The following CCDC117 variants were observed in gnomAD, a reference collection of about 807,000 sequenced individuals.
CCDC117 encodes coiled-coil domain-containing protein 117.
In CCDC117, 1 loss-of-function variant was observed where a neutral mutation model predicts 23.5. That is an observed-to-expected ratio of 0.04 (90% CI 0.02 to 0.20). The LOEUF is 0.20. Ranked by LOEUF, CCDC117 falls within the 10% of genes least tolerant of loss-of-function variation. The pLI is 1.00. For synonymous variants in CCDC117, 132 were observed against 124.8 expected, an observed-to-expected ratio of 1.06 and a Z score of -0.39; for missense variants, 383 against 348.2, an observed-to-expected ratio of 1.10 and a Z score of -0.80.
intron 2 of CCDC117, among the ~76,000 whole-genome samples, chr22:28,774,233 AT>A (rs1187123889): frequency 0.023 from 3,215 of 140,572 alleles, 62 homozygotes; most frequent in African/African-American, 0.055. Flanking sequence ...ACGCCTGGCA[AT>A]TTTTTTTTTT....
intron 2 of CCDC117, among the ~76,000 whole-genome samples, chr22:28,776,421 A>G (rs2031162112): frequency 6.6e-6 from 1 of 151,264 alleles, no homozygotes; most frequent in East Asian, 2.0e-4. Flanking sequence ...AGTATTGTAT[A>G]TCTTTTCTTT....
chr22:28,778,618 A>C (rs1348858395), intron 2 of CCDC117, among the ~76,000 whole-genome samples: 1 of 152,190 alleles, frequency 6.6e-6, no homozygotes, highest in Non-Finnish European at 1.5e-5. Context: ...TAACACAGGA[A>C]ACTTTTTGCT....
rs1416357755 is a variant in CCDC117, at chr22:28,774,683, C to T, written c.239+905C>T. 2.0e-5 allele frequency among the ~76,000 whole-genome samples: 3 copies of T among 152,184 alleles called. No individual in the cohort carries two copies. The East Asian group carries it at 5.8e-4, about 29-fold the overall frequency. On this transcript the variant is annotated intron_variant, in intron 2 of 4. Coordinates refer to ENST00000249064, the MANE Select transcript of CCDC117 (RefSeq NM_173510.4). ...CTGTATTACAAAATCTTTTACTCCACACCCCTAGTTTTCCCCACCAGAGAC... is the reference window on the plus strand; with the variant it reads ...CTGTATTACAAAATCTTTTACTCCATACCCCTAGTTTTCCCCACCAGAGAC...
At chr22:28,774,809 A>G (rs1478923162) in intron 2 of CCDC117, among the ~76,000 whole-genome samples, 1 of 151,388 alleles carries the variant, frequency 6.6e-6, no homozygotes, top group Non-Finnish European at 1.5e-5. Context: ...CTTTTTTGAG[A>G]CAAGGCCTCA....
chr22:28,773,049 G>T lies in CCDC117; in HGVS notation c.185+15G>T. ...GCGCGCGGACGGTGAGGAGCCCGTCGGGCGCAGGGCGCAGGGCGGGCGGGC... is the reference window on the plus strand; with the variant it reads ...GCGCGCGGACGGTGAGGAGCCCGTCTGGCGCAGGGCGCAGGGCGGGCGGGC... On this transcript the variant is annotated intron_variant, in intron 1 of 4. Transcript: ENST00000249064. 9.1e-7 allele frequency: 1 copy of T among 1,094,622 alleles called. No individual in the cohort carries two copies. The allele number at this position is 1,094,622 out of a possible 1,614,324, so 67.8% of individuals were successfully genotyped here. A position where few individuals can be genotyped will look rare whatever the true frequency, so the allele number is the denominator to read the frequency against.
chr22:28,780,944 TCAG>T lies in CCDC117; in HGVS notation c.240-3_240-1del. 2.5e-6 allele frequency: 4 copies of T among 1,596,272 alleles called. No homozygotes were observed. In the Admixed American group the frequency reaches 5.2e-5, roughly 21 times the overall value. On this transcript the variant is annotated splice_acceptor_variant and splice_polypyrimidine_tract_variant and intron_variant, in intron 2 of 4. Transcript: ENST00000249064. LOFTEE classifies it high-confidence loss of function. Reference sequence around the variant, plus strand: ...TTTCATTGAATTTTTTTTCTTTTTTTCAGTTGTCCAGTAAGAAAGAAAAGGATA... The same window carrying T: ...TTTCATTGAATTTTTTTTCTTTTTTTTTGTCCAGTAAGAAAGAAAAGGATA...
At chr22:28,784,462 C>G (rs1169516825) in intron 4 of CCDC117, among the ~76,000 whole-genome samples, 1 of 152,186 alleles carries the variant, frequency 6.6e-6, no homozygotes, top group Non-Finnish European at 1.5e-5. Flanking sequence ...AGTTGGCACT[C>G]AATAAGGGCA....
At chr22:28,776,747 G>C (rs1029066809) in intron 2 of CCDC117, among the ~76,000 whole-genome samples, 1 of 151,952 alleles carries the variant, frequency 6.6e-6, no homozygotes, top group African/African-American at 2.4e-5. Flanking sequence ...TCCATGCTTG[G>C]CTAATTTTGC....
At chr22:28,775,724 C>G (rs979955856) in intron 2 of CCDC117, among the ~76,000 whole-genome samples, 1 of 151,896 alleles carries the variant, frequency 6.6e-6, no homozygotes, top group African/African-American at 2.4e-5. Flanking sequence ...TGATGAAACC[C>G]CGTCTCTGCT....
chr22:28,786,104 G>T lies in CCDC117; in HGVS notation c.618G>T (p.Met206Ile), dbSNP rs1343568664. 6.2e-7 allele frequency: 1 copy of T among 1,606,910 alleles called. No homozygotes were observed. Among genetic ancestry groups the T allele is most frequent in the Non-Finnish European group, 8.5e-7 (1 of 1,178,284 alleles). Residue 206 changes from methionine (M) to isoleucine (I), a missense_variant, in exon 5 of 5, where the codon ATG becomes ATT. Met to Ile is a conservative substitution (Grantham distance 10, BLOSUM62 1). Coordinates refer to ENST00000249064, the MANE Select transcript of CCDC117 (RefSeq NM_173510.4). ...TATGTCTTAGGAGCCGTCCTTCCAT[G>T]GAGCTTGTTCTCTGGAAACCCCTCC... ...KMIESMSRPS[M>I]ELVLWKPLPE...
intron 3 of CCDC117, among the ~76,000 whole-genome samples, chr22:28,783,238 A>G (rs1220156827): frequency 2.0e-5 from 3 of 151,374 alleles, no homozygotes; most frequent in Non-Finnish European, 4.4e-5. Context: ...ATAGGGTTTC[A>G]CCATGTTGGC....
chr22:28,780,881 A>T, intron 2 of CCDC117, 67 bp from the exon 3 acceptor site: 1 of 1,180,628 alleles, frequency 8.5e-7, no homozygotes. Context: ...TTGATTGGAG[A>T]TAGGAATGAT....
rs2031073355 is a variant in CCDC117, at chr22:28,773,754, A to C, written c.215A>C (p.Lys72Thr). 1 of 1,613,956 alleles carries C rather than the reference A, an allele frequency of 6.2e-7. No individual in the cohort carries two copies. Residue 72 changes from lysine to threonine, a missense_variant, in exon 2 of 5, where the codon AAG becomes ACG. Coordinates refer to ENST00000249064, the MANE Select transcript of CCDC117 (RefSeq NM_173510.4). ...RVSVHCKKKH[K>T]REEEEDDDCP... The stretch of plus-strand genomic sequence containing the variant: ...TCTGTTCACTGTAAAAAGAAACACA[A>C]GCGAGAGGAGGAGGAGGATGATGAG...
chr22:28,777,034 GTT>G lies in CCDC117; in HGVS notation c.239+3273_239+3274del, dbSNP rs573843364. On this transcript the variant is annotated intron_variant, in intron 2 of 4. Transcript: ENST00000249064. Reference sequence around the variant, plus strand: ...TGTGCCTGGCCAGTATACTGTAGCTGTTTTTTTTTTTTTTTTTTGAGATGGCA... The same window carrying G: ...TGTGCCTGGCCAGTATACTGTAGCTGTTTTTTTTTTTTTTTTGAGATGGCA... 6.3e-4 allele frequency among the ~76,000 whole-genome samples: 81 copies of G among 128,362 alleles called. 1 individual carries two copies. Among genetic ancestry groups the G allele is most frequent in the Admixed American group, 1.7e-3 (22 of 12,808 alleles). 84.2% of individuals were successfully genotyped at this position (128,362 alleles called of 152,430 possible).
rs1569199889 is a variant in CCDC117, at chr22:28,783,526, A to G, written c.483A>G (p.Glu161=). 6 of 1,613,544 alleles carry G rather than the reference A, an allele frequency of 3.7e-6. No individual in the cohort carries two copies. The highest frequency in any genetic ancestry group is 5.1e-6 in the Non-Finnish European group (6 of 1,179,812). The change falls in exon 4 of 5, where the codon GAA becomes GAG. Residue 161 remains glutamate, a synonymous_variant. Transcript: ENST00000249064. ...EIEDRIIDED[E]EVEADRNVNH... is the part of the protein sequence containing the mutation. ...GATTTAGGATAATTGATGAAGATGA[A>G]GAAGTTGAAGCTGACAGAAATGTTA... is the stretch of plus-strand genomic sequence containing the variant.
At chr22:28,773,873 A>G in intron 2 of CCDC117, 95 bp downstream of exon 2, 2 of 943,254 alleles carry the variant, frequency 2.1e-6, no homozygotes, top group Non-Finnish European at 3.4e-6. Flanking sequence ...GAAACATTAG[A>G]TGAGTGTCTC....
In CCDC117 at chr22:28,783,591, C is replaced by G; in HGVS notation, c.548C>G (p.Thr183Arg). The change falls in exon 4 of 5, where the codon ACA becomes AGA. Residue 183 changes from threonine to arginine, a missense_variant. Coordinates refer to ENST00000249064, the MANE Select transcript of CCDC117 (RefSeq NM_173510.4). ...PSLVLSDTMK[T>R]GLKREFDEVF... ...CTTGTCCTTTCTGATACCATGAAAA[C>G]AGGTTTGAAGAGGGAATTTGATGAA... The G allele has an allele frequency of 6.2e-7, 1 of 1,613,704 alleles. No homozygotes were observed. Among genetic ancestry groups the G allele is most frequent in the Non-Finnish European group, 8.5e-7 (1 of 1,179,778 alleles).
rs763222496 is a variant in CCDC117, at chr22:28,780,969, G to T, written c.261G>T (p.Arg87Ser). ...EDDDCPVRKKRITEAELCAGP... is the reference protein window; with the variant it reads ...EDDDCPVRKKSITEAELCAGP... ...TCAGTTGTCCAGTAAGAAAGAAAAGGATAACTGAAGCAGAGCTCTGTGCTG... is the reference window on the plus strand; with the variant it reads ...TCAGTTGTCCAGTAAGAAAGAAAAGTATAACTGAAGCAGAGCTCTGTGCTG... The change falls in exon 3 of 5, where the codon AGG becomes AGT. Residue 87 changes from arginine to serine, a missense_variant. By Grantham distance (110) the Arg-to-Ser change is moderately radical (BLOSUM62 -1). Transcript: ENST00000249064. The T allele has an allele frequency of 2.5e-6, 4 of 1,613,066 alleles. No homozygotes were observed. In the Admixed American group the frequency reaches 5.0e-5, roughly 20 times the overall value.
intron 2 of CCDC117, among the ~76,000 whole-genome samples, chr22:28,775,137 T>G (rs1416525314): frequency 1.3e-5 from 2 of 152,124 alleles, no homozygotes; most frequent in African/African-American, 4.8e-5. Context: ...GGTGCGTAAC[T>G]GTAATGCCAG....
Sources: allele counts gnomAD v4.1 joint callset (sites outside exome capture counted in the v4.1 genomes callset), GRCh38; gene constraint gnomAD v4.1.1; transcripts MANE v1.5; gene names NCBI Gene and HGNC (gene_info 2026-07-23, HGNC 2026-07-21).